PCDHGB3: variants seen among roughly 807,000 people sequenced by gnomAD.
PCDHGB3 encodes the protein protocadherin gamma-B3.
A neutral mutation model predicts 59.2 loss-of-function variants in PCDHGB3; 40 were observed. The observed-to-expected ratio is 0.68, with a 90% CI of 0.52 to 0.88. The LOEUF (loss-of-function observed/expected upper bound fraction) is 0.88. Ranked by LOEUF, PCDHGB3 falls within the 40% of genes least tolerant of loss-of-function variation. PCDHGB3 has a pLI of 0.00. For synonymous variants in PCDHGB3, 581 were observed against 503.6 expected (o/e 1.15, Z -2.06); for missense variants, 1,309 against 1,187.9 (o/e 1.10, Z -1.50).
rs1316659737 is a variant in PCDHGB3 at position 141,490,964 on chromosome 5, C to T, written c.2416-3843C>T. ...CCACGGCCAGACTGGGAACACTCAG[C>T]CCCCCAGCGTCTCCCTCGCTCTGCT... On this transcript the variant is annotated intron_variant, in intron 1 of 3. Transcript: ENST00000576222. The surrounding 1 kb of genome is among the most constrained non-coding windows in gnomAD (Gnocchi z 5.4). 2.5e-6 allele frequency: 4 copies of T among 1,613,608 alleles called. No homozygotes were observed. Among genetic ancestry groups the T allele is most frequent in the East Asian group, 2.2e-5 (1 of 44,882 alleles).
intron 1 of PCDHGB3, chr5:141,399,349 C>G: frequency 6.2e-7 from 1 of 1,613,932 alleles, no homozygotes; most frequent in Non-Finnish European, 8.5e-7. Context: ...AACCCTAGAC[C>G]GAGAGCAAAC....
chr5:141,491,817 G>T lies in PCDHGB3; in HGVS notation c.2416-2990G>T. On this transcript the variant is annotated intron_variant, in intron 1 of 3. Transcript: ENST00000576222. The surrounding 1 kb of genome is among the most constrained non-coding windows in gnomAD (Gnocchi z 6.9). ...TCTCCGGCCGGCTTGGTCGCTGGCT[G>T]CGCTCCACCCGATTCTCGGGATCAT... 1.3e-6 allele frequency: 2 copies of T among 1,484,188 alleles called. No homozygotes were observed. The highest frequency in any genetic ancestry group is 1.8e-6 in the Non-Finnish European group (2 of 1,117,664). 91.9% of individuals were successfully genotyped at this position (1,484,188 alleles called of 1,614,324 possible).
At chr5:141,413,702 T>G (rs1448671585) in intron 1 of PCDHGB3, 4 of 1,613,606 alleles carry the variant, frequency 2.5e-6, no homozygotes, top group Non-Finnish European at 3.4e-6. Flanking sequence ...AGCTATCAGC[T>G]CAGCCCCAAT....
rs768093721 is a variant in PCDHGB3, at chr5:141,370,656, G to A, written c.262G>A (p.Asp88Asn). The change falls in exon 1 of 4, where the codon GAC becomes AAC. Residue 88 changes from aspartate (D) to asparagine (N), a missense_variant. By Grantham distance (23) the Asp-to-Asn change is conservative (BLOSUM62 1). Transcript: ENST00000576222. ...SPENGNLLVSDRIDREEICGK... is the reference protein window; with the variant it reads ...SPENGNLLVSNRIDREEICGK... The stretch of plus-strand genomic sequence containing the variant: ...CGAAAATGGGAACTTACTTGTGAGC[G>A]ACCGTATAGACCGAGAGGAGATTTG... 6.2e-7 allele frequency: 1 copy of A among 1,613,852 alleles called. No individual in the cohort carries two copies. Among genetic ancestry groups the A allele is most frequent in the Non-Finnish European group, 8.5e-7 (1 of 1,179,896 alleles).
intron 1 of PCDHGB3, chr5:141,422,116 T>A (rs753281558): frequency 2.5e-6 from 4 of 1,604,730 alleles, no homozygotes; most frequent in Non-Finnish European, 3.4e-6. Context: ...CCAATTGGAT[T>A]CACAAACTGG....
At position 141,372,157 on chromosome 5, in the gene PCDHGB3, T is replaced by A; in HGVS notation, c.1763T>A (p.Val588Glu). 4 of 1,613,774 alleles carry A rather than the reference T, an allele frequency of 2.5e-6. No individual in the cohort carries two copies. Among genetic ancestry groups the A allele is most frequent in the Non-Finnish European group, 3.4e-6 (4 of 1,179,932 alleles). Reference sequence around the variant, plus strand: ...CGCTCTGCAGAGCCTGGCTACCTGGTGACCAAGGTGGTGGCGGTGGACGCA... The same window carrying A: ...CGCTCTGCAGAGCCTGGCTACCTGGAGACCAAGGTGGTGGCGGTGGACGCA... Reference protein sequence around the residue: ...VPRSAEPGYLVTKVVAVDADS... With the variant: ...VPRSAEPGYLETKVVAVDADS... Residue 588 changes from valine to glutamate, a missense_variant, in exon 1 of 4, where the codon GTG becomes GAG. Transcript: ENST00000576222.
intron 1 of PCDHGB3, chr5:141,479,247 C>A (rs1428944159): frequency 6.6e-6 from 1 of 152,084 alleles, no homozygotes; most frequent in Non-Finnish European, 1.5e-5. Flanking sequence ...CAAAGATAAC[C>A]ATTTTTAATT....
rs567684479 is a variant in PCDHGB3 at position 141,432,875 on chromosome 5, G to T, written c.2415+60066G>T. The T allele has an allele frequency of 6.2e-7, 1 of 1,614,178 alleles. No individual in the cohort carries two copies. Among genetic ancestry groups the T allele is most frequent in the South Asian group, 1.1e-5 (1 of 91,084 alleles). ...GGCCGCGGTCTCCTGCGTCTTCCTG[G>T]CCTTCGTCATCTTGCTGCTGGCGCT... On this transcript the variant is annotated intron_variant, in intron 1 of 3. Coordinates refer to ENST00000576222, the MANE Select transcript of PCDHGB3 (RefSeq NM_018924.5). This position sits in a 1 kb window ranked among gnomAD's most constrained non-coding sequence, Gnocchi z 6.0.
In PCDHGB3 at chr5:141,485,244, T is replaced by C; in HGVS notation, c.2416-9563T>C. ...ACCCTTTTGTTCCTCTTTTACCACC[T>C]GGGTTACGTTTGTGGGCAGATCCGC... On this transcript the variant is annotated intron_variant, in intron 1 of 3. Transcript: ENST00000576222. This position sits in a 1 kb window ranked among gnomAD's most constrained non-coding sequence, Gnocchi z 5.7. 1 of 1,614,168 alleles carries C rather than the reference T, an allele frequency of 6.2e-7. No individual in the cohort carries two copies. Among genetic ancestry groups the C allele is most frequent in the Admixed American group, 1.7e-5 (1 of 60,016 alleles).
chr5:141,386,950 A>G (rs538175836), intron 1 of PCDHGB3, among the ~76,000 whole-genome samples: 1 of 152,246 alleles, frequency 6.6e-6, no homozygotes, highest in African/African-American at 2.4e-5. Flanking sequence ...GCAGTGCTTC[A>G]GTGCAGCAGA....
chr5:141,390,025 G>T lies in PCDHGB3; in HGVS notation c.2415+17216G>T, dbSNP rs762363185. On this transcript the variant is annotated intron_variant, in intron 1 of 3. Coordinates refer to ENST00000576222, the MANE Select transcript of PCDHGB3 (RefSeq NM_018924.5). ...ATTCTGGCCATTGCCTTGCGCCTGC[G>T]ACGCTCCTCCAGCCCCGCCTCCTGG... The T allele has an allele frequency of 3.0e-5, 48 of 1,613,882 alleles. No individual in the cohort carries two copies. The East Asian group carries it at 1.1e-3, about 36-fold the overall frequency.
chr5:141,417,111 G>A (rs1014827063), intron 1 of PCDHGB3: 13 of 152,012 alleles, frequency 8.6e-5, no homozygotes, highest in African/African-American at 2.7e-4. Context: ...AAGCAATACA[G>A]GACACCCTGG....
chr5:141,423,969 C>G, intron 1 of PCDHGB3: 1 of 1,147,718 alleles, frequency 8.7e-7, no homozygotes, highest in Non-Finnish European at 1.1e-6. Flanking sequence ...TTTCTATTAT[C>G]AGTGTATGAG....
intron 1 of PCDHGB3, chr5:141,422,335 C>T (rs1196951059): frequency 6.5e-7 from 1 of 1,549,804 alleles, no homozygotes; most frequent in Non-Finnish European, 8.7e-7. Flanking sequence ...GATTGCTCTT[C>T]TAAATGTGCA....
chr5:141,501,453 C>T (rs567794395), intron 2 of PCDHGB3, among the ~76,000 whole-genome samples: 1 of 152,094 alleles, frequency 6.6e-6, no homozygotes, highest in Non-Finnish European at 1.5e-5. Flanking sequence ...TTTTACTTTT[C>T]ACTATTCCCC....
chr5:141,418,781 G>C, intron 1 of PCDHGB3: 1 of 1,613,716 alleles, frequency 6.2e-7, no homozygotes, highest in African/African-American at 1.3e-5. Context: ...GCAGCCTTTG[G>C]ATTTTGAAGA....
Position 141,393,196 on chromosome 5 carries a change from A to G in PCDHGB3, c.2415+20387A>G, listed in dbSNP as rs369051018. 9.7e-5 allele frequency: 157 copies of G among 1,613,374 alleles called. No individual in the cohort carries two copies. The highest frequency in any genetic ancestry group is 1.3e-4 in the Non-Finnish European group (149 of 1,179,898). On this transcript the variant is annotated intron_variant, in intron 1 of 3. Coordinates refer to ENST00000576222, the MANE Select transcript of PCDHGB3 (RefSeq NM_018924.5). ...GAAATAGAAATAATTGATATTAACG[A>G]TAATAACCCAAAATTCCAGGTCGAA...
chr5:141,478,092 C>T (rs2099429960), intron 1 of PCDHGB3: 1 of 1,614,156 alleles, frequency 6.2e-7, no homozygotes, highest in Non-Finnish European at 8.5e-7. Flanking sequence ...CTCTCCACCA[C>T]TGCTACCCTC....
intron 2 of PCDHGB3, among the ~76,000 whole-genome samples, chr5:141,505,172 A>C (rs1336105711): frequency 6.6e-6 from 1 of 152,178 alleles, no homozygotes; most frequent in Non-Finnish European, 1.5e-5. Context: ...AAACAAAAAG[A>C]AAAAAGCATC....
Sources: gnomAD v4.1 joint callset for allele counts (sites outside exome capture counted in the v4.1 genomes callset) on GRCh38, gnomAD v4.1.1 for gene constraint, Gnocchi (gnomAD v3.1) non-coding constraint, MANE v1.5 for transcripts, NCBI Gene and HGNC (gene_info 2026-07-23, HGNC 2026-07-21) for gene names.